The following AGMO variants were observed in gnomAD, a reference collection of about 807,000 sequenced individuals.
AGMO encodes the protein alkylglycerol monooxygenase, also known as glyceryl-ether monooxygenase.
In AGMO, 75 loss-of-function variants were observed where a neutral mutation model predicts 60.2. The ratio of observed to expected loss-of-function variants is 1.25; its 90% confidence interval spans 1.03 to 1.51. AGMO has a LOEUF of 1.51. Among genes scored for constraint, AGMO ranks in the 40% most tolerant of loss-of-function variants. The pLI is 0.00. For missense variants in AGMO, 763 were observed against 525.5 expected, an observed-to-expected ratio of 1.45 and a Z score of -4.42; for synonymous variants, 261 against 177.1, an observed-to-expected ratio of 1.47 and a Z score of -3.76.
At chr7:15,330,088 T>G (rs1781457080) in intron 12 of AGMO, among the ~76,000 whole-genome samples, 1 of 152,116 alleles carries the variant, frequency 6.6e-6, no homozygotes, top group Non-Finnish European at 1.5e-5. Context: ...TCTATTGAAG[T>G]TAATATATAA....
intron 3 of AGMO, among the ~76,000 whole-genome samples, chr7:15,507,460 G>A (rs765797927): frequency 1.6e-4 from 24 of 152,066 alleles, no homozygotes; most frequent in Non-Finnish European, 2.9e-4. Context: ...AGAGGCATAT[G>A]TTTAGCTATA....
chr7:15,432,528 A>G (rs1376445934), intron 3 of AGMO, among the ~76,000 whole-genome samples: 1 of 151,524 alleles, frequency 6.6e-6, no homozygotes, highest in African/African-American at 2.4e-5. Context: ...TTAATTCTGT[A>G]TAATAAGGAA....
chr7:15,373,843 G>A (rs964288862), intron 10 of AGMO, among the ~76,000 whole-genome samples: 1 of 152,130 alleles, frequency 6.6e-6, no homozygotes, highest in Non-Finnish European at 1.5e-5. Flanking sequence ...TCTAAAAGGT[G>A]CCTGACAAGG....
the AGMO span, among the ~76,000 whole-genome samples, chr7:15,131,856 G>T: frequency 6.6e-6 from 1 of 151,626 alleles, no homozygotes; most frequent in Non-Finnish European, 1.5e-5. Flanking sequence ...AGAGCAAGCT[G>T]CCATGAGAAC....
At chr7:15,145,469 T>C in the AGMO span, among the ~76,000 whole-genome samples, 1 of 152,130 alleles carries the variant, frequency 6.6e-6, no homozygotes, top group Non-Finnish European at 1.5e-5. Context: ...TATGTAGATA[T>C]GTAGATACAT....
At chr7:15,277,933 C>A (rs771546304) in intron 12 of AGMO, among the ~76,000 whole-genome samples, 11 of 152,080 alleles carry the variant, frequency 7.2e-5, no homozygotes, top group Admixed American at 1.3e-4. Context: ...TCTGGAGAAG[C>A]TCCTAGTGAA....
intron 3 of AGMO, among the ~76,000 whole-genome samples, chr7:15,442,160 T>C (rs374855986): frequency 5.3e-5 from 8 of 152,356 alleles, no homozygotes; most frequent in African/African-American, 1.9e-4. Flanking sequence ...CCTTTGTGAA[T>C]GATGTCATGC....
the AGMO span, among the ~76,000 whole-genome samples, chr7:15,188,059 C>T: frequency 6.6e-6 from 1 of 152,120 alleles, no homozygotes; most frequent in Non-Finnish European, 1.5e-5. Flanking sequence ...AAATGAGACC[C>T]GCTGCCATGA....
intron 12 of AGMO, among the ~76,000 whole-genome samples, chr7:15,297,559 T>A (rs1784440034): frequency 6.6e-6 from 1 of 152,202 alleles, no homozygotes; most frequent in African/African-American, 2.4e-5. Flanking sequence ...GAAAAGTTAG[T>A]GTTGCATTTG....
At chr7:15,189,892 C>G in the AGMO span, among the ~76,000 whole-genome samples, 1 of 150,916 alleles carries the variant, frequency 6.6e-6, no homozygotes, top group East Asian at 2.0e-4. Flanking sequence ...ATGTTGTTTA[C>G]CATTTATATT....
chr7:15,366,988 G>T (rs1313282586), intron 10 of AGMO, among the ~76,000 whole-genome samples: 1 of 151,988 alleles, frequency 6.6e-6, no homozygotes, highest in African/African-American at 2.4e-5. Context: ...AGGAAAAGCA[G>T]ATACTAGAAT....
At chr7:15,397,833 C>G (rs893817559) in intron 5 of AGMO, among the ~76,000 whole-genome samples, 2 of 152,110 alleles carry the variant, frequency 1.3e-5, no homozygotes, top group African/African-American at 4.8e-5. Context: ...AGAATACACT[C>G]CTATGAAGTA....
At chr7:15,214,642 G>A (rs762624195) in intron 12 of AGMO, among the ~76,000 whole-genome samples, 1 of 151,844 alleles carries the variant, frequency 6.6e-6, no homozygotes, top group Admixed American at 6.6e-5. Context: ...TGGATGAGGA[G>A]CTCTAACATG....
At chr7:15,395,728 TTA>T (rs140896653) in intron 5 of AGMO, among the ~76,000 whole-genome samples, 84 of 152,354 alleles carry the variant, frequency 5.5e-4, no homozygotes, top group African/African-American at 1.9e-3. Flanking sequence ...TGTTAAAAAT[TTA>T]AACTGCTAGT....
chr7:15,455,275 G>C (rs1406191936), intron 3 of AGMO, among the ~76,000 whole-genome samples: 2 of 152,054 alleles, frequency 1.3e-5, no homozygotes, highest in Admixed American at 1.3e-4. Flanking sequence ...ATGTTGGTTT[G>C]TTTCTTCTCT....
intron 12 of AGMO, among the ~76,000 whole-genome samples, chr7:15,352,429 A>G (rs1193163649): frequency 6.6e-6 from 1 of 151,588 alleles, no homozygotes; most frequent in African/African-American, 2.4e-5. Context: ...AGACATTTCT[A>G]ATTGATTCCA....
chr7:15,231,529 AAAT>A (rs1356208307), intron 12 of AGMO, among the ~76,000 whole-genome samples: 3 of 152,354 alleles, frequency 2.0e-5, no homozygotes, highest in South Asian at 4.1e-4. Context: ...GTTTAAAATC[AAAT>A]AATGTGTTAC....
At chr7:15,141,178 T>A in the AGMO span, among the ~76,000 whole-genome samples, 1 of 152,060 alleles carries the variant, frequency 6.6e-6, no homozygotes, top group African/African-American at 2.4e-5. Context: ...GCCTTGGGAG[T>A]GCTTGTAGGA....
rs531589200 is a variant in AGMO, at chr7:15,354,485, T to C, written c.1263+11029A>G. 9.2e-5 allele frequency among the ~76,000 whole-genome samples: 2 copies of C among 21,744 alleles called. 1 individual carries two copies. Among genetic ancestry groups the C allele is most frequent in the African/African-American group, 3.6e-4 (2 of 5,490 alleles). 14.3% of individuals were successfully genotyped at this position (21,744 alleles called of 152,430 possible). ...ACGTGTGTGTATACACACGTGTGTATATACACACGTGTATATATATATATA... is the reference window on the plus strand; with the variant it reads ...ACGTGTGTGTATACACACGTGTGTACATACACACGTGTATATATATATATA... On this transcript the variant is annotated intron_variant, in intron 12 of 12. Transcript: ENST00000342526.
Sources: gnomAD v4.1 joint callset for allele counts (sites outside exome capture counted in the v4.1 genomes callset) on GRCh38, gnomAD v4.1.1 for gene constraint, MANE v1.5 for transcripts, NCBI Gene and HGNC (gene_info 2026-07-23, HGNC 2026-07-21) for gene names.